Variants in KCNJ3 observed in about 807,000 individuals in gnomAD.
KCNJ3 encodes potassium inwardly rectifying channel subfamily J member 3.
A neutral mutation model predicts 39.2 loss-of-function variants in KCNJ3; 4 were observed. The ratio of observed to expected loss-of-function variants is 0.10; its 90% CI spans 0.05 to 0.23. The LOEUF (loss-of-function observed/expected upper bound fraction) is 0.23. Among genes scored for constraint, KCNJ3 ranks in the 10% least tolerant of loss-of-function variants. KCNJ3 has a pLI of 1.00. For synonymous variants in KCNJ3, 230 were observed against 237.4 expected, an observed-to-expected ratio of 0.97 and a Z score of 0.29; for missense variants, 276 against 634.9, an observed-to-expected ratio of 0.43 and a Z score of 6.08.
chr2:154,759,349 T>C (rs896295094), intron 2 of KCNJ3, among the ~76,000 whole-genome samples: 1 of 138,026 alleles, frequency 7.2e-6, no homozygotes, highest in Non-Finnish European at 1.6e-5. Context: ...GTTTTAGAAG[T>C]CTTATTTTTA....
rs1370418350 is a variant in KCNJ3, at chr2:154,857,146, G to C, written c.*1833G>C. 2.6e-5 allele frequency: 4 copies of C among 152,156 alleles called. No homozygotes were observed. The highest frequency in any genetic ancestry group is 4.4e-5 in the Non-Finnish European group (3 of 68,036). 9.4% of individuals were successfully genotyped at this position (152,156 alleles called of 1,614,324 possible). On this transcript the variant is annotated 3_prime_UTR_variant, in exon 3 of 3. Transcript: ENST00000295101. ...GATCAATCTGGAGTGTGCATCCACTGTGAATGGAGCAAATTGCCCTATACC... is the reference window on the plus strand; with the variant it reads ...GATCAATCTGGAGTGTGCATCCACTCTGAATGGAGCAAATTGCCCTATACC...
intron 2 of KCNJ3, among the ~76,000 whole-genome samples, chr2:154,739,188 C>T (rs1685600095): frequency 6.6e-6 from 1 of 151,812 alleles, no homozygotes; most frequent in Non-Finnish European, 1.5e-5. Context: ...GGAGTATTAA[C>T]CTATTATACT....
chr2:154,781,354 G>T (rs763261402), intron 2 of KCNJ3, among the ~76,000 whole-genome samples: 3 of 152,154 alleles, frequency 2.0e-5, no homozygotes, highest in Non-Finnish European at 4.4e-5. Context: ...CCTTATGACT[G>T]TATCTTTTTT....
chr2:154,761,496 T>C (rs1278794032), intron 2 of KCNJ3, among the ~76,000 whole-genome samples: 1 of 152,252 alleles, frequency 6.6e-6, no homozygotes, highest in African/African-American at 2.4e-5. Flanking sequence ...CTTACTGTGA[T>C]GCTGATTAGA....
At chr2:154,722,435 T>C (rs1349785393) in intron 2 of KCNJ3, among the ~76,000 whole-genome samples, 1 of 152,064 alleles carries the variant, frequency 6.6e-6, no homozygotes, top group South Asian at 2.1e-4. Flanking sequence ...GGGAAAAGAA[T>C]ATTATCAAAA....
At chr2:154,835,861 G>T (rs1287640014) in intron 2 of KCNJ3, among the ~76,000 whole-genome samples, 1 of 152,012 alleles carries the variant, frequency 6.6e-6, no homozygotes, top group African/African-American at 2.4e-5. Flanking sequence ...AAAATTTTCT[G>T]AAAGGTCACC....
chr2:154,823,741 A>G (rs2105112393), intron 2 of KCNJ3, among the ~76,000 whole-genome samples: 1 of 152,230 alleles, frequency 6.6e-6, no homozygotes, highest in Non-Finnish European at 1.5e-5. Context: ...TTATCACAAT[A>G]TTTATACATA....
intron 2 of KCNJ3, among the ~76,000 whole-genome samples, chr2:154,804,724 C>A (rs1337634551): frequency 6.6e-6 from 1 of 152,070 alleles, no homozygotes; most frequent in Admixed American, 6.6e-5. Flanking sequence ...AGGAGCTTAT[C>A]CATGTTCATA....
Position 154,733,056 on chromosome 2 carries a change from A to G in KCNJ3, c.919+23237A>G, listed in dbSNP as rs115586415. 8.2e-3 allele frequency among the ~76,000 whole-genome samples: 1,243 copies of G among 152,278 alleles called. 12 individuals are homozygous for G. The highest frequency in any genetic ancestry group is 0.028 in the African/African-American group (1,164 of 41,576). ...TTTGTATGTATACATTTTGTTTTAT[A>G]AAACCTACTCTCCTTTTTACAAACT... On this transcript the variant is annotated intron_variant, in intron 2 of 2. Coordinates refer to ENST00000295101, the MANE Select transcript of KCNJ3 (RefSeq NM_002239.4).
At chr2:154,801,481 C>CTTCCT (rs150161644) in intron 2 of KCNJ3, among the ~76,000 whole-genome samples, 29 of 149,510 alleles carry the variant, frequency 1.9e-4, no homozygotes, top group African/African-American at 6.4e-4. Context: ...TCCCTCCCTC[C>CTTCCT]TTTCTTTTCT....
Position 154,857,886 on chromosome 2 carries a change from CAAAAAAAAAAAAAAAAAAA to C in KCNJ3, c.*2596_*2614del, listed in dbSNP as rs70983747. The C allele has an allele frequency of 9.5e-4, 40 of 41,966 alleles. No individual in the cohort carries two copies. Among genetic ancestry groups the C allele is most frequent in the African/African-American group, 1.7e-3 (12 of 6,952 alleles). The allele number at this position is 41,966 out of a possible 1,614,324, so 2.6% of individuals were successfully genotyped here. On this transcript the variant is annotated 3_prime_UTR_variant, in exon 3 of 3. Coordinates refer to ENST00000295101, the MANE Select transcript of KCNJ3 (RefSeq NM_002239.4). ...ACAGTGCGAGACTCCATCTCAACAT[CAAAAAAAAAAAAAAAAAAA>C]AAAAAAAAAAAAAAAAAAAAAAGAA...
intron 1 of KCNJ3, among the ~76,000 whole-genome samples, chr2:154,706,965 G>GA (rs1158299510): frequency 6.6e-5 from 10 of 151,322 alleles, no homozygotes; most frequent in African/African-American, 2.2e-4. Context: ...GTCAAAGAAG[G>GA]AAAAAAAATC....
At chr2:154,726,796 T>TACAC (rs58366846) in intron 2 of KCNJ3, among the ~76,000 whole-genome samples, 17,922 of 115,134 alleles carry the variant, frequency 0.16, 1,145 homozygotes, top group Non-Finnish European at 0.18. Context: ...TTTATATACA[T>TACAC]ACACACACAC....
chr2:154,733,022 G>T (rs1176971853), intron 2 of KCNJ3, among the ~76,000 whole-genome samples: 1 of 152,044 alleles, frequency 6.6e-6, no homozygotes, highest in Non-Finnish European at 1.5e-5. Context: ...TTGATTTTTG[G>T]TTAACCTATT....
At chr2:154,764,809 C>G (rs1686104480) in intron 2 of KCNJ3, among the ~76,000 whole-genome samples, 1 of 152,164 alleles carries the variant, frequency 6.6e-6, no homozygotes, top group South Asian at 2.1e-4. Context: ...GCCTAAGGGC[C>G]ATGGGTTGGA....
At chr2:154,735,125 C>G (rs1456203733) in intron 2 of KCNJ3, among the ~76,000 whole-genome samples, 1 of 142,626 alleles carries the variant, frequency 7.0e-6, no homozygotes, top group Non-Finnish European at 1.5e-5. Flanking sequence ...CTCGCTTTGT[C>G]GCCCAGGCGG....
chr2:154,734,386 G>A (rs1009633604), intron 2 of KCNJ3, among the ~76,000 whole-genome samples: 6 of 152,164 alleles, frequency 3.9e-5, no homozygotes, highest in Admixed American at 6.5e-5. Context: ...GATTCTCCAT[G>A]GTTAGAATCT....
chr2:154,736,184 T>C (rs527335540), intron 2 of KCNJ3, among the ~76,000 whole-genome samples: 1 of 152,042 alleles, frequency 6.6e-6, no homozygotes, highest in East Asian at 1.9e-4. Context: ...TTTTCTAAGT[T>C]TGTCATACAT....
intron 2 of KCNJ3, among the ~76,000 whole-genome samples, chr2:154,793,551 A>G (rs995323666): frequency 5.3e-5 from 8 of 152,086 alleles, no homozygotes; most frequent in African/African-American, 1.9e-4. Context: ...TACCATGACT[A>G]CATGGCCCTC....
Sources: gnomAD v4.1 joint callset for allele counts (sites outside exome capture counted in the v4.1 genomes callset) on GRCh38, gnomAD v4.1.1 for gene constraint, MANE v1.5 for transcripts, NCBI Gene and HGNC (gene_info 2026-07-23, HGNC 2026-07-21) for gene names.